ADAM12: variants seen among roughly 807,000 people sequenced by gnomAD.
ADAM12 encodes the protein ADAM metallopeptidase domain 12.
In ADAM12, 70 loss-of-function variants were observed where a neutral mutation model predicts 106.4. That is an observed-to-expected ratio of 0.66 (90% CI 0.54 to 0.80). ADAM12 has a LOEUF of 0.80. ADAM12 is among the 30% of genes least tolerant of loss of function. ADAM12 has a pLI of 0.00. For missense variants in ADAM12, 1,010 were observed against 1,171.9 expected (o/e 0.86, Z 2.02); for synonymous variants, 420 against 433.5 (o/e 0.97, Z 0.39).
At chr10:126,236,039 G>A (rs892262157) in intron 3 of ADAM12, among the ~76,000 whole-genome samples, 1 of 152,108 alleles carries the variant, frequency 6.6e-6, no homozygotes, top group Non-Finnish European at 1.5e-5. Flanking sequence ...TTGGGCAGGC[G>A]CTGAGGCTCT....
In ADAM12 at chr10:126,094,252, T is replaced by C. The variant is rs574440265; in HGVS notation, c.997-119A>G. 624 of 1,012,102 alleles carry C rather than the reference T, an allele frequency of 6.2e-4. 3 individuals carry two copies. In the African/African-American group the frequency reaches 8.1e-3, roughly 13 times the overall value. The allele number at this position is 1,012,102 out of a possible 1,614,324, so 62.7% of individuals were successfully genotyped here. A position where few individuals can be genotyped will look rare whatever the true frequency, so the allele number is the denominator to read the frequency against. The stretch of plus-strand genomic sequence containing the variant: ...ACATTTGACTTAATGTAATTCCTTA[T>C]AAGGGACCAAGGTAAAACGCTATCA... On this transcript the variant is annotated intron_variant, in intron 10 of 22. Coordinates refer to ENST00000448723, the MANE Select transcript of ADAM12 (RefSeq NM_001288973.2).
intron 3 of ADAM12, among the ~76,000 whole-genome samples, chr10:126,192,261 G>A (rs1048090437): frequency 2.6e-5 from 4 of 152,120 alleles, no homozygotes; most frequent in African/African-American, 9.7e-5. Context: ...AGAACTGCAT[G>A]AGTTAATATA....
chr10:126,149,199 G>C (rs1223668880), intron 4 of ADAM12, among the ~76,000 whole-genome samples: 1 of 152,208 alleles, frequency 6.6e-6, no homozygotes. Flanking sequence ...ATGTGAATCA[G>C]AGAACCCAGA....
intron 1 of ADAM12, among the ~76,000 whole-genome samples, chr10:126,376,940 T>C (rs10901604): frequency 0.073 from 11,177 of 152,190 alleles, 537 homozygotes; most frequent in East Asian, 0.18. Flanking sequence ...CCTGTGGAGG[T>C]AGATATGATC....
At chr10:126,247,650 C>T (rs577880304) in intron 3 of ADAM12, among the ~76,000 whole-genome samples, 6 of 152,270 alleles carry the variant, frequency 3.9e-5, no homozygotes, top group South Asian at 2.1e-4. Flanking sequence ...CAGGGCTTGG[C>T]GTCAATCTTG....
chr10:126,222,066 T>C (rs1193051625), intron 3 of ADAM12, among the ~76,000 whole-genome samples: 2 of 152,184 alleles, frequency 1.3e-5, no homozygotes, highest in East Asian at 3.9e-4. Flanking sequence ...TGGCCCACTT[T>C]GAACTATGAT....
At chr10:126,168,015 A>G (rs886268064) in intron 3 of ADAM12, among the ~76,000 whole-genome samples, 1 of 152,260 alleles carries the variant, frequency 6.6e-6, no homozygotes, top group Non-Finnish European at 1.5e-5. Flanking sequence ...GTTGGATAGG[A>G]AAGCATACCT....
chr10:126,246,116 C>A (rs1004318629), intron 3 of ADAM12, among the ~76,000 whole-genome samples: 2 of 152,092 alleles, frequency 1.3e-5, no homozygotes, highest in African/African-American at 2.4e-5. Context: ...ATGAGGGACA[C>A]AAAACCCTTG....
In ADAM12 at chr10:126,217,183, T is replaced by C. The variant is rs149934308; in HGVS notation, c.260+61732A>G. On this transcript the variant is annotated intron_variant, in intron 3 of 22. Transcript: ENST00000448723. ...ATAATCACTATAAAAGGCTAACCATTAGTTACCTAATGAATGTCCTAAATA... is the reference window on the plus strand; with the variant it reads ...ATAATCACTATAAAAGGCTAACCATCAGTTACCTAATGAATGTCCTAAATA... Among the ~76,000 whole-genome samples, 1,062 of 152,238 alleles carry C rather than the reference T, an allele frequency of 7.0e-3. 38 individuals carry two copies. The highest frequency in any genetic ancestry group is 0.063 in the Admixed American group (964 of 15,290).
intron 2 of ADAM12, among the ~76,000 whole-genome samples, chr10:126,329,379 C>T (rs1854423379): frequency 6.6e-6 from 1 of 152,128 alleles, no homozygotes; most frequent in South Asian, 2.1e-4. Flanking sequence ...CGAAAGCCCA[C>T]TCCTCTTTTA....
At chr10:126,263,431 C>A (rs914077663) in intron 3 of ADAM12, among the ~76,000 whole-genome samples, 7 of 152,112 alleles carry the variant, frequency 4.6e-5, no homozygotes, top group Non-Finnish European at 1.0e-4. Context: ...TTTCCCTTGG[C>A]TCAGTGCTTC....
chr10:126,310,920 T>C (rs1474961663), intron 2 of ADAM12, among the ~76,000 whole-genome samples: 1 of 152,086 alleles, frequency 6.6e-6, no homozygotes, highest in African/African-American at 2.4e-5. Context: ...CAAGGGGATA[T>C]GGTGGACCCT....
chr10:126,032,089 A>G (rs749697092), intron 21 of ADAM12, among the ~76,000 whole-genome samples: 4 of 152,232 alleles, frequency 2.6e-5, no homozygotes, highest in Non-Finnish European at 5.9e-5. Flanking sequence ...AATGGTTTCT[A>G]TAAAGACCTA....
At chr10:126,067,743 A>G (rs930059318) in intron 12 of ADAM12, among the ~76,000 whole-genome samples, 2 of 152,228 alleles carry the variant, frequency 1.3e-5, no homozygotes, top group African/African-American at 4.8e-5. Flanking sequence ...ATACTGAGTA[A>G]TTTATCAATG....
chr10:126,042,056 C>A, intron 18 of ADAM12: 1 of 1,556,490 alleles, frequency 6.4e-7, no homozygotes, highest in Non-Finnish European at 8.7e-7. Context: ...TCAATGCTGC[C>A]AGTCACAGGA....
intron 2 of ADAM12, among the ~76,000 whole-genome samples, chr10:126,290,106 G>A (rs1010876170): frequency 5.3e-5 from 8 of 152,194 alleles, no homozygotes; most frequent in Non-Finnish European, 8.8e-5. Context: ...TTGACCCACT[G>A]TGCTTACTCT....
At position 126,238,850 on chromosome 10, in the gene ADAM12, C is replaced by A. The variant is rs560859447; in HGVS notation, c.260+40065G>T. On this transcript the variant is annotated intron_variant, in intron 3 of 22. Coordinates refer to ENST00000448723, the MANE Select transcript of ADAM12 (RefSeq NM_001288973.2). ...TCTTAGCCTGTTTCTGAGGGTAAAC[C>A]TGAGATTTCATGGGCACTCATTCTG... Among the ~76,000 whole-genome samples, 7 of 152,318 alleles carry A rather than the reference C, an allele frequency of 4.6e-5. No homozygotes were observed. In the South Asian group the frequency reaches 1.5e-3, roughly 32 times the overall value.
intron 2 of ADAM12, among the ~76,000 whole-genome samples, chr10:126,279,695 C>G (rs1486761517): frequency 6.6e-6 from 1 of 151,424 alleles, no homozygotes; most frequent in Non-Finnish European, 1.5e-5. Context: ...CCATTGCACT[C>G]CAGCCTGGGC....
At position 126,388,198 on chromosome 10, in the gene ADAM12, C is replaced by T. The variant is rs1856747901; in HGVS notation, c.-53G>A. The T allele has an allele frequency of 5.8e-6, 7 of 1,199,550 alleles. No individual in the cohort carries two copies. Among genetic ancestry groups the T allele is most frequent in the Non-Finnish European group, 7.2e-6 (7 of 967,000 alleles). 74.3% of individuals were successfully genotyped at this position (1,199,550 alleles called of 1,614,324 possible). On this transcript the variant is annotated 5_prime_UTR_variant, in exon 1 of 23. An upstream start codon of the reference 5' UTR is lost. Transcript: ENST00000448723. The surrounding 1 kb of genome is among the most constrained non-coding windows in gnomAD (Gnocchi z 4.4). ...TCGGGCCCGGCGGCGAGCGCTGCAC[C>T]ATCCCACGCGGGCGCCGAGCCGGGG...
Sources: allele counts gnomAD v4.1 joint callset (sites outside exome capture counted in the v4.1 genomes callset), GRCh38; gene constraint gnomAD v4.1.1; non-coding constraint Gnocchi (gnomAD v3.1); transcripts MANE v1.5; gene names NCBI Gene and HGNC (gene_info 2026-07-23, HGNC 2026-07-21).